Variants in NXPE4 observed in about 807,000 individuals in gnomAD.
The protein encoded by NXPE4 is neurexophilin and PC-esterase domain family member 4.
A neutral mutation model predicts 33.3 loss-of-function variants in NXPE4; 42 were observed. That is an observed-to-expected ratio of 1.26 (90% CI 0.98 to 1.63). The LOEUF is 1.63. Ranked by LOEUF, NXPE4 falls within the 40% of genes most tolerant of loss-of-function variation. The pLI, the probability that NXPE4 is intolerant of heterozygous loss-of-function variation, is 0.00. For synonymous variants in NXPE4, 253 were observed against 234.9 expected (o/e 1.08, Z -0.71); for missense variants, 709 against 647.6 (o/e 1.09, Z -1.03).
the NXPE4 span, among the ~76,000 whole-genome samples, chr11:114,624,406 G>A: frequency 1.3e-5 from 2 of 152,230 alleles, no homozygotes; most frequent in East Asian, 3.9e-4. Flanking sequence ...TGCCTCATTG[G>A]TAACCACTGT....
chr11:114,677,087 A>C, the NXPE4 span, among the ~76,000 whole-genome samples: 1 of 152,044 alleles, frequency 6.6e-6, no homozygotes, highest in Non-Finnish European at 1.5e-5. Context: ...ATATAAATAG[A>C]GTAGAATCGT....
the NXPE4 span, among the ~76,000 whole-genome samples, chr11:114,632,984 T>G: frequency 9.6e-6 from 1 of 104,352 alleles, no homozygotes; most frequent in African/African-American, 4.0e-5. Context: ...TATTATATAT[T>G]TTTATATAAT....
Position 114,571,161 on chromosome 11 carries a change from A to T in NXPE4, c.1412T>A (p.Ile471Asn). ...LLLRSPDTMV[I>N]IKTENIREMY... Reference sequence around the variant, plus strand: ...CTCCCTGATGTTTTCTGTTTTGATGATAACCATAGTGTCTGGGCTTCTCAG... The same window carrying T: ...CTCCCTGATGTTTTCTGTTTTGATGTTAACCATAGTGTCTGGGCTTCTCAG... The change falls in exon 6 of 6, where the codon ATC becomes AAC. Residue 471 changes from isoleucine (I) to asparagine (N), a missense_variant. Coordinates refer to ENST00000375478, the MANE Select transcript of NXPE4 (RefSeq NM_001077639.2). 6.2e-7 allele frequency: 1 copy of T among 1,614,004 alleles called. No homozygotes were observed. The highest frequency in any genetic ancestry group is 8.5e-7 in the Non-Finnish European group (1 of 1,179,940).
At chr11:114,574,415 A>G (rs1359087221) in intron 5 of NXPE4, among the ~76,000 whole-genome samples, 1 of 152,088 alleles carries the variant, frequency 6.6e-6, no homozygotes, top group Non-Finnish European at 1.5e-5. Context: ...TGAAACAAAA[A>G]GCTGGTTCTT....
At chr11:114,635,948 C>T in the NXPE4 span, among the ~76,000 whole-genome samples, 18 of 152,024 alleles carry the variant, frequency 1.2e-4, no homozygotes, top group Non-Finnish European at 2.4e-4. Flanking sequence ...TTTCTCTGCC[C>T]GTCTTTGGTA....
At chr11:114,591,164 T>C (rs1199008802) in intron 2 of NXPE4, among the ~76,000 whole-genome samples, 1 of 152,224 alleles carries the variant, frequency 6.6e-6, no homozygotes, top group Non-Finnish European at 1.5e-5. Context: ...AATGATGTTA[T>C]TGAAAGTGCA....
chr11:114,633,899 T>A, the NXPE4 span, among the ~76,000 whole-genome samples: 1 of 152,022 alleles, frequency 6.6e-6, no homozygotes, highest in African/African-American at 2.4e-5. Flanking sequence ...AGTCTGCTAT[T>A]GTGAGTAGTG....
the NXPE4 span, among the ~76,000 whole-genome samples, chr11:114,670,821 C>T: frequency 6.6e-6 from 1 of 151,646 alleles, no homozygotes; most frequent in African/African-American, 2.4e-5. Context: ...AATTATAAGA[C>T]ATGCAAAGAA....
chr11:114,617,422 C>CCAAT, the NXPE4 span, among the ~76,000 whole-genome samples: 1 of 152,018 alleles, frequency 6.6e-6, no homozygotes, highest in Non-Finnish European at 1.5e-5. Flanking sequence ...CCACTGTTAC[C>CCAAT]GGGTGGATAA....
chr11:114,632,365 A>G, the NXPE4 span, among the ~76,000 whole-genome samples: 1 of 134,722 alleles, frequency 7.4e-6, no homozygotes, highest in Admixed American at 8.6e-5. Context: ...AATATTATAT[A>G]TTACATATAG....
chr11:114,601,354 A>G, the NXPE4 span, among the ~76,000 whole-genome samples: 3 of 146,956 alleles, frequency 2.0e-5, no homozygotes, highest in South Asian at 4.2e-4. Flanking sequence ...TTTGGTTTTC[A>G]TTCCTGAGTT....
chr11:114,656,694 G>A, the NXPE4 span, among the ~76,000 whole-genome samples: 4 of 151,932 alleles, frequency 2.6e-5, no homozygotes, highest in African/African-American at 9.7e-5. Context: ...CCAAAAATAG[G>A]CAAGCAGAGA....
At chr11:114,631,120 T>TC in the NXPE4 span, among the ~76,000 whole-genome samples, 5 of 151,918 alleles carry the variant, frequency 3.3e-5, no homozygotes, top group South Asian at 1.0e-3. Flanking sequence ...GTGTGGCGAT[T>TC]CTCAGGGATC....
At chr11:114,623,415 C>T in the NXPE4 span, among the ~76,000 whole-genome samples, 15 of 152,142 alleles carry the variant, frequency 9.9e-5, no homozygotes, top group East Asian at 5.8e-4. Flanking sequence ...CATTGTTACC[C>T]GCTGGATAAT....
rs11215067 is a variant in NXPE4, at chr11:114,576,992, C to T, written c.1099+3140G>A. On this transcript the variant is annotated intron_variant, in intron 5 of 5. Transcript: ENST00000375478. ...GAAGATGTTTATATATATATATATA[C>T]ATATATATATATAAAGTTATATATA... is the stretch of plus-strand genomic sequence containing the variant. Among the ~76,000 whole-genome samples, 18 of 88,974 alleles carry T rather than the reference C, an allele frequency of 2.0e-4. 1 individual carries two copies. The highest frequency in any genetic ancestry group is 7.6e-4 in the South Asian group (2 of 2,634). The allele number at this position is 88,974 out of a possible 152,430, so 58.4% of individuals were successfully genotyped here.
At chr11:114,656,524 C>A in the NXPE4 span, among the ~76,000 whole-genome samples, 1 of 152,008 alleles carries the variant, frequency 6.6e-6, no homozygotes, top group Non-Finnish European at 1.5e-5. Flanking sequence ...AGTTTTTCAT[C>A]TCTAAAATGG....
chr11:114,626,797 G>T, the NXPE4 span, among the ~76,000 whole-genome samples: 1 of 152,100 alleles, frequency 6.6e-6, no homozygotes, highest in East Asian at 1.9e-4. Context: ...TGTATAACTA[G>T]AATAACCAAT....
At chr11:114,665,775 C>A in the NXPE4 span, among the ~76,000 whole-genome samples, 3 of 152,152 alleles carry the variant, frequency 2.0e-5, no homozygotes, top group African/African-American at 7.2e-5. Flanking sequence ...TAAGACTGTG[C>A]AGGTTTAAAG....
chr11:114,635,006 C>G, the NXPE4 span, among the ~76,000 whole-genome samples: 1 of 151,926 alleles, frequency 6.6e-6, no homozygotes, highest in African/African-American at 2.4e-5. Context: ...TGAAGAAAGT[C>G]ATTGGTAGCT....
Sources: gnomAD v4.1 joint callset for allele counts (sites outside exome capture counted in the v4.1 genomes callset) on GRCh38, gnomAD v4.1.1 for gene constraint, MANE v1.5 for transcripts, NCBI Gene and HGNC (gene_info 2026-07-23, HGNC 2026-07-21) for gene names.